DIAPH2: variants seen among roughly 807,000 people sequenced by gnomAD.
The protein encoded by DIAPH2 is diaphanous related formin 2, also known as protein diaphanous homolog 2.
Under a neutral mutation model 92.7 loss-of-function variants are expected in DIAPH2, and 35 were observed. The observed-to-expected ratio is 0.38, with a 90% confidence interval of 0.29 to 0.50. The LOEUF (loss-of-function observed/expected upper bound fraction) is 0.50. Ranked by LOEUF, DIAPH2 falls within the 20% of genes least tolerant of loss-of-function variation. The pLI, the probability that DIAPH2 is intolerant of heterozygous loss-of-function variation, is 0.94. For synonymous variants in DIAPH2, 301 were observed against 280.4 expected, an observed-to-expected ratio of 1.07 and a Z score of -0.73; for missense variants, 701 against 819.5, an observed-to-expected ratio of 0.86 and a Z score of 1.77.
intron 21 of DIAPH2, among the ~76,000 whole-genome samples, chrX:97,115,700 T>C (rs897995376): frequency 1.8e-5 from 2 of 112,093 alleles, no homozygotes; most frequent in African/African-American, 3.2e-5. Context: ...AATAATACTC[T>C]TCAATGTCAA....
chrX:96,871,312 C>CA lies in DIAPH2; in HGVS notation c.448-10259dup, dbSNP rs772177436. The stretch of plus-strand genomic sequence containing the variant: ...TGAAACCCCGTCTCTACCAAAAATA[C>CA]AAAAAAAATTAGCCAGGCGTGGTGG... On this transcript the variant is annotated intron_variant, in intron 4 of 26. Coordinates refer to ENST00000324765, the MANE Select transcript of DIAPH2 (RefSeq NM_006729.5). Among the ~76,000 whole-genome samples, 374 of 107,833 alleles carry CA rather than the reference C, an allele frequency of 3.5e-3. 1 individual carries two copies. The highest frequency in any genetic ancestry group is 0.012 in the African/African-American group (357 of 29,639). The allele number at this position is 107,833 out of a possible 115,157, so 93.6% of individuals were successfully genotyped here. A position where few individuals can be genotyped will look rare whatever the true frequency, so the allele number is the denominator to read the frequency against.
At chrX:97,300,522 C>T (rs1352785435) in intron 23 of DIAPH2, among the ~76,000 whole-genome samples, 1 of 108,352 alleles carries the variant, frequency 9.2e-6, no homozygotes, top group African/African-American at 3.4e-5. Flanking sequence ...AATTCAGTGA[C>T]GCTTTCCAAC....
At chrX:97,332,861 T>A (rs1453654651) in intron 23 of DIAPH2, among the ~76,000 whole-genome samples, 1 of 111,898 alleles carries the variant, frequency 8.9e-6, no homozygotes, top group Admixed American at 9.5e-5. Flanking sequence ...TATTCTTGAA[T>A]CTGTAGTAAT....
intron 1 of DIAPH2, among the ~76,000 whole-genome samples, chrX:96,686,639 A>G (rs1022197605): frequency 8.9e-6 from 1 of 111,812 alleles, no homozygotes; most frequent in African/African-American, 3.2e-5. Context: ...GAGTTTGTTA[A>G]TATTAACATG....
chrX:96,994,243 A>G (rs1024899710), intron 17 of DIAPH2, among the ~76,000 whole-genome samples: 2 of 111,485 alleles, frequency 1.8e-5, no homozygotes, highest in South Asian at 3.8e-4. Context: ...TAGAAAGTGA[A>G]CTTAACAGTT....
chrX:96,886,250 G>A (rs1322382493), intron 5 of DIAPH2, among the ~76,000 whole-genome samples: 1 of 109,778 alleles, frequency 9.1e-6, no homozygotes, highest in Non-Finnish European at 1.9e-5. Context: ...TGTCTTTCAA[G>A]ATGCTAATTT....
intron 4 of DIAPH2, among the ~76,000 whole-genome samples, chrX:96,827,541 T>C (rs1263575276): frequency 8.9e-6 from 1 of 112,073 alleles, no homozygotes; most frequent in Non-Finnish European, 1.9e-5. Flanking sequence ...GCAAAACCAA[T>C]TGTGTTACAG....
intron 8 of DIAPH2, among the ~76,000 whole-genome samples, chrX:96,917,264 G>A (rs1054069554): frequency 6.3e-5 from 7 of 111,174 alleles, no homozygotes; most frequent in African/African-American, 2.3e-4. Context: ...GGAACACTTT[G>A]CGTGACAGTA....
chrX:96,751,647 G>GTTTTTTTTTT (rs1332024432), intron 3 of DIAPH2, among the ~76,000 whole-genome samples: 7 of 85,014 alleles, frequency 8.2e-5, no homozygotes, highest in Admixed American at 2.8e-4. Context: ...AGACTTCAGT[G>GTTTTTTTTTT]TTTTGTTTTT....
intron 4 of DIAPH2, among the ~76,000 whole-genome samples, chrX:96,761,832 T>A (rs1457525142): frequency 9.0e-6 from 1 of 111,251 alleles, no homozygotes; most frequent in South Asian, 3.8e-4. Context: ...CAATAGCATA[T>A]CTTTTAATTC....
chrX:96,970,498 A>C (rs769580337), intron 17 of DIAPH2, among the ~76,000 whole-genome samples: 2 of 110,427 alleles, frequency 1.8e-5, no homozygotes, highest in Admixed American at 1.9e-4. Flanking sequence ...GAATTTATCT[A>C]TCTCCTCTAT....
intron 24 of DIAPH2, among the ~76,000 whole-genome samples, chrX:97,372,368 T>C (rs768023721): frequency 2.9e-4 from 33 of 112,597 alleles, no homozygotes; most frequent in Middle Eastern, 4.6e-3. Flanking sequence ...ACCATGCTGG[T>C]GTGCAAAGAT....
At position 97,247,734 on chromosome X, in the gene DIAPH2, G is replaced by A; in HGVS notation, c.2739G>A (p.Lys913=). 4 of 1,203,771 alleles carry A rather than the reference G, an allele frequency of 3.3e-6. No homozygotes were observed. The highest frequency in any genetic ancestry group is 4.5e-6 in the Non-Finnish European group (4 of 890,525). ...SASKVSAQIL[K]SNLASMEQQI... ...CTTTAGTTTCAGCTCAAATTCTCAA[G>A]AGCAACCTTGCATCAATGGAACAAC... The change falls in exon 23 of 27, where the codon AAG becomes AAA. Residue 913 remains lysine (K), a synonymous_variant. Transcript: ENST00000324765.
At chrX:97,407,758 A>G (rs1377502244) in intron 25 of DIAPH2, among the ~76,000 whole-genome samples, 3 of 112,464 alleles carry the variant, frequency 2.7e-5, no homozygotes, top group African/African-American at 9.7e-5. Flanking sequence ...ATTTGCAGAC[A>G]GTAGTGACAC....
intron 26 of DIAPH2, among the ~76,000 whole-genome samples, chrX:97,432,704 C>T (rs766013280): frequency 9.0e-6 from 1 of 111,509 alleles, no homozygotes; most frequent in Admixed American, 9.5e-5. Context: ...CCAGGCTGGC[C>T]TCAAACTCCT....
At chrX:96,898,015 G>T (rs2065359601) in intron 5 of DIAPH2, among the ~76,000 whole-genome samples, 2 of 88,958 alleles carry the variant, frequency 2.2e-5, no homozygotes, top group Non-Finnish European at 4.4e-5. Context: ...TGAGAATGAT[G>T]ATTTCCAATT....
chrX:96,879,571 C>G (rs1349847134), intron 4 of DIAPH2, among the ~76,000 whole-genome samples: 1 of 110,880 alleles, frequency 9.0e-6, no homozygotes, highest in Non-Finnish European at 1.9e-5. Flanking sequence ...AAAAATAAAA[C>G]TATAATTTTG....
intron 25 of DIAPH2, among the ~76,000 whole-genome samples, chrX:97,408,034 T>C (rs2069828205): frequency 8.9e-6 from 1 of 111,964 alleles, no homozygotes; most frequent in Admixed American, 9.5e-5. Context: ...GAAATTGATA[T>C]AATTATATCT....
intron 19 of DIAPH2, among the ~76,000 whole-genome samples, chrX:97,082,259 A>G (rs1044058591): frequency 9.1e-6 from 1 of 110,324 alleles, no homozygotes; most frequent in Non-Finnish European, 1.9e-5. Context: ...TGATTCTTTC[A>G]TACTATATCC....
Sources: allele counts gnomAD v4.1 joint callset (sites outside exome capture counted in the v4.1 genomes callset), GRCh38; gene constraint gnomAD v4.1.1; transcripts MANE v1.5; gene names NCBI Gene and HGNC (gene_info 2026-07-23, HGNC 2026-07-21).